MTF2: variants seen among roughly 807,000 people sequenced by gnomAD.
The protein encoded by MTF2 is metal-response element-binding transcription factor 2.
A neutral mutation model predicts 79.5 loss-of-function variants in MTF2; 11 were observed. That is an observed-to-expected ratio of 0.14 (90% confidence interval 0.09 to 0.23). The LOEUF (loss-of-function observed/expected upper bound fraction) is 0.23. Among genes scored for constraint, MTF2 ranks in the 10% least tolerant of loss-of-function variants. The pLI is 1.00. For synonymous variants in MTF2, 208 were observed against 232.8 expected, an observed-to-expected ratio of 0.89 and a Z score of 0.97; for missense variants, 486 against 711.2, an observed-to-expected ratio of 0.68 and a Z score of 3.60.
intron 9 of MTF2, among the ~76,000 whole-genome samples, chr1:93,123,770 C>CG (rs892313299): frequency 6.8e-6 from 1 of 147,794 alleles, no homozygotes. Flanking sequence ...GTCCCCCCCC[C>CG]CTTTTTTTAA....
chr1:93,089,470 C>G (rs1256301934), intron 1 of MTF2, among the ~76,000 whole-genome samples: 5 of 152,074 alleles, frequency 3.3e-5, no homozygotes, highest in Non-Finnish European at 7.4e-5. Context: ...TGTTTACTTT[C>G]AATTGTAATT....
At chr1:93,112,445 A>G (rs1022835679) in intron 3 of MTF2, among the ~76,000 whole-genome samples, 12 of 152,346 alleles carry the variant, frequency 7.9e-5, no homozygotes, top group African/African-American at 2.9e-4. Context: ...CAACTATTAC[A>G]TAAATGTAAG....
chr1:93,107,157 T>A (rs1655828658), intron 1 of MTF2, among the ~76,000 whole-genome samples: 1 of 152,226 alleles, frequency 6.6e-6, no homozygotes, highest in South Asian at 2.1e-4. Flanking sequence ...CTTCATTGTG[T>A]ACTAACGGTA....
chr1:93,086,340 C>A (rs1157788576), intron 1 of MTF2, among the ~76,000 whole-genome samples: 1 of 151,870 alleles, frequency 6.6e-6, no homozygotes, highest in Non-Finnish European at 1.5e-5. Context: ...CCTGTCTCTA[C>A]TAAAAATACA....
intron 7 of MTF2, among the ~76,000 whole-genome samples, chr1:93,119,069 G>A (rs760543686): frequency 6.6e-6 from 1 of 152,222 alleles, no homozygotes; most frequent in African/African-American, 2.4e-5. Context: ...CTATAAGTAC[G>A]TGTGAGTCTG....
chr1:93,131,728 G>A (rs909378790), intron 11 of MTF2, among the ~76,000 whole-genome samples: 6 of 152,088 alleles, frequency 3.9e-5, no homozygotes, highest in Non-Finnish European at 8.8e-5. Flanking sequence ...ACCTGTTTTT[G>A]TGTGTAAGTA....
intron 1 of MTF2, among the ~76,000 whole-genome samples, chr1:93,092,197 CTG>C (rs1025880121): frequency 2.1e-4 from 32 of 152,214 alleles, no homozygotes; most frequent in African/African-American, 7.2e-4. Flanking sequence ...TCTCATATCT[CTG>C]AGGATATTAA....
intron 3 of MTF2, among the ~76,000 whole-genome samples, chr1:93,113,384 G>A (rs1255580377): frequency 6.6e-6 from 1 of 151,820 alleles, no homozygotes; most frequent in African/African-American, 2.4e-5. Context: ...TATCTGAGGG[G>A]AAAAATAAAA....
intron 9 of MTF2, 123 bp from the exon 10 acceptor site, chr1:93,127,102 ATTAGAAC>A: frequency 1.6e-6 from 1 of 638,380 alleles, no homozygotes. Context: ...AGGACTTGGA[ATTAGAAC>A]TTAGATCTTC....
At chr1:93,122,079 G>A (rs1443921775) in intron 9 of MTF2, among the ~76,000 whole-genome samples, 1 of 152,158 alleles carries the variant, frequency 6.6e-6, no homozygotes, top group African/African-American at 2.4e-5. Flanking sequence ...TGAGATTACA[G>A]GCATGAGCCA....
chr1:93,113,676 C>A (rs1293470766), intron 3 of MTF2, among the ~76,000 whole-genome samples: 2 of 152,038 alleles, frequency 1.3e-5, no homozygotes, highest in Non-Finnish European at 2.9e-5. Context: ...ATTGATGAAG[C>A]ATCTCGTAGT....
intron 1 of MTF2, among the ~76,000 whole-genome samples, chr1:93,086,540 G>T (rs1355655272): frequency 6.6e-6 from 1 of 151,256 alleles, no homozygotes; most frequent in East Asian, 1.9e-4. Context: ...GGCAATTTTG[G>T]TAGTAGGTAC....
intron 9 of MTF2, 85 bp downstream of exon 9, chr1:93,120,757 G>GT: frequency 6.5e-7 from 1 of 1,537,916 alleles, no homozygotes; most frequent in Non-Finnish European, 8.7e-7. Context: ...TGAGACACAT[G>GT]TATAAGTCAG....
intron 14 of MTF2, 119 bp downstream of exon 14, chr1:93,134,314 T>A (rs1647283816): frequency 2.8e-6 from 2 of 715,548 alleles, no homozygotes; most frequent in South Asian, 4.0e-5. Context: ...GTCTATCAGC[T>A]TTTTGAGAGG....
Position 93,138,424 on chromosome 1 carries a change from G to A in MTF2, c.*1397G>A, listed in dbSNP as rs188218180. 2 of 152,294 alleles carry A rather than the reference G, an allele frequency of 1.3e-5. No individual in the cohort carries two copies. The highest frequency in any genetic ancestry group is 1.3e-4 in the Admixed American group (2 of 15,300). 9.4% of individuals were successfully genotyped at this position (152,294 alleles called of 1,614,324 possible). A position where few individuals can be genotyped will look rare whatever the true frequency, so the allele number is the denominator to read the frequency against. The stretch of plus-strand genomic sequence containing the variant: ...CAAAATAAAAAATATGTAAAGTGTA[G>A]TGATTACAGAGTGGTTAAAATGTGG... On this transcript the variant is annotated 3_prime_UTR_variant, in exon 15 of 15. Coordinates refer to ENST00000370298, the MANE Select transcript of MTF2 (RefSeq NM_007358.4).
At position 93,137,819 on chromosome 1, in the gene MTF2, G is replaced by A. The variant is rs1169060402; in HGVS notation, c.*792G>A. On this transcript the variant is annotated 3_prime_UTR_variant, in exon 15 of 15. Transcript: ENST00000370298. Reference sequence around the variant, plus strand: ...GAGAAATGTGTCAGACAAGTTTAGTGTGTTCTGAAGAAGGGTGTGAACAAC... The same window carrying A: ...GAGAAATGTGTCAGACAAGTTTAGTATGTTCTGAAGAAGGGTGTGAACAAC... 2.6e-5 allele frequency: 4 copies of A among 152,182 alleles called. No homozygotes were observed. The highest frequency in any genetic ancestry group is 4.4e-5 in the Non-Finnish European group (3 of 68,020). The allele number at this position is 152,182 out of a possible 1,614,324, so 9.4% of individuals were successfully genotyped here. A position where few individuals can be genotyped will look rare whatever the true frequency, so the allele number is the denominator to read the frequency against.
Position 93,136,777 on chromosome 1 carries a change from A to G in MTF2, c.1532A>G (p.Gln511Arg), listed in dbSNP as rs200133449. ...GRLPRRALQTQNSEIVKDDEG... is the reference protein window; with the variant it reads ...GRLPRRALQTRNSEIVKDDEG... ...CTTCCAAGAAGAGCACTCCAGACTC[A>G]GAACTCAGAAATTGTAAAAGATGAT... The change falls in exon 15 of 15, where the codon CAG becomes CGG. Residue 511 changes from glutamine to arginine, a missense_variant. This residue lies in a region of MTF2 where 209 missense variants were observed against 206.5 expected (regional missense o/e 1.01). Transcript: ENST00000370298. 4 of 1,614,112 alleles carry G rather than the reference A, an allele frequency of 2.5e-6. No individual in the cohort carries two copies. The highest frequency in any genetic ancestry group is 3.4e-6 in the Non-Finnish European group (4 of 1,180,040).
At chr1:93,123,403 G>A (rs150419828) in intron 9 of MTF2, among the ~76,000 whole-genome samples, 2 of 151,462 alleles carry the variant, frequency 1.3e-5, no homozygotes, top group Non-Finnish European at 3.0e-5. Context: ...AGACTAAAGC[G>A]CCTGCTCTAG....
intron 5 of MTF2, 69 bp downstream of exon 5, chr1:93,115,157 G>A (rs1656199582): frequency 8.4e-7 from 1 of 1,187,148 alleles, no homozygotes; most frequent in Non-Finnish European, 1.2e-6. Context: ...TAATGATTGT[G>A]TACACTGAAA....
Sources: allele counts gnomAD v4.1 joint callset (sites outside exome capture counted in the v4.1 genomes callset), GRCh38; gene constraint gnomAD v4.1.1; regional missense constraint gnomAD v4.1.1; transcripts MANE v1.5; gene names NCBI Gene and HGNC (gene_info 2026-07-23, HGNC 2026-07-21).